The following ABCC11 variants were observed in gnomAD, a reference collection of about 807,000 sequenced individuals.
ABCC11 encodes the protein ATP-binding cassette sub-family C member 11.
A neutral mutation model predicts 149.3 loss-of-function variants in ABCC11; 135 were observed. The ratio of observed to expected loss-of-function variants is 0.90; its 90% confidence interval spans 0.79 to 1.04. The LOEUF (loss-of-function observed/expected upper bound fraction) is 1.04, where lower values mean the gene tolerates loss of function less well. Ranked by LOEUF, ABCC11 falls within the 50% of genes least tolerant of loss-of-function variation. The pLI, the probability that ABCC11 is intolerant of heterozygous loss-of-function variation, is 0.00. For synonymous variants in ABCC11, 665 were observed against 671.4 expected, an observed-to-expected ratio of 0.99 and a Z score of 0.15; for missense variants, 1,680 against 1,722.1, an observed-to-expected ratio of 0.98 and a Z score of 0.43.
chr16:48,205,097 G>A lies in ABCC11; in HGVS notation c.1805+316C>T, dbSNP rs144430470. Among the ~76,000 whole-genome samples, 86 of 152,322 alleles carry A rather than the reference G, an allele frequency of 5.6e-4. No individual in the cohort carries two copies. In the East Asian group the frequency reaches 0.016, roughly 28 times the overall value. On this transcript the variant is annotated intron_variant, in intron 13 of 29. Coordinates refer to ENST00000356608, the MANE Select transcript of ABCC11 (RefSeq NM_001370497.1). The stretch of plus-strand genomic sequence containing the variant: ...TGTAGCAATATTGGAGGGGGAGAGT[G>A]TATTGACTATTTTGAGCCAATATAG...
chr16:48,233,001 A>T (rs1042859676), intron 1 of ABCC11, among the ~76,000 whole-genome samples: 7 of 152,100 alleles, frequency 4.6e-5, no homozygotes, highest in Non-Finnish European at 1.0e-4. Flanking sequence ...GGAGTTTGAG[A>T]CCAGCCTGGG....
intron 23 of ABCC11, 124 bp from the exon 24 acceptor site, chr16:48,178,810 C>A: frequency 1.2e-6 from 1 of 843,696 alleles, no homozygotes; most frequent in Admixed American, 2.4e-5. Context: ...GATAATTTTC[C>A]TAGCAAGAAT....
intron 2 of ABCC11, 73 bp downstream of exon 2, chr16:48,231,750 C>A: frequency 6.5e-7 from 1 of 1,540,306 alleles, no homozygotes. Context: ...AATTGTTTGA[C>A]GTAATTTATG....
At chr16:48,230,312 C>G in intron 3 of ABCC11, 125 bp downstream of exon 3, 2 of 1,212,282 alleles carry the variant, frequency 1.6e-6, no homozygotes, top group Admixed American at 3.0e-5. Context: ...CCTCAGGCTG[C>G]TCTGAAGGGA....
chr16:48,224,576 C>T, intron 4 of ABCC11, 147 bp from the exon 5 acceptor site: 1 of 854,888 alleles, frequency 1.2e-6, no homozygotes, highest in Non-Finnish European at 1.7e-6. Context: ...ACTCATCCCC[C>T]TTTCCAGAAT....
intron 1 of ABCC11, among the ~76,000 whole-genome samples, chr16:48,239,470 G>A (rs891734074): frequency 3.3e-5 from 5 of 150,444 alleles, no homozygotes; most frequent in Non-Finnish European, 7.4e-5. Context: ...GCTGAGGCAG[G>A]AGAATGGCGT....
chr16:48,196,445 C>CT, intron 17 of ABCC11, 124 bp from the exon 18 acceptor site: 1 of 877,052 alleles, frequency 1.1e-6, no homozygotes, highest in Non-Finnish European at 1.8e-6. Flanking sequence ...CCACCTATGT[C>CT]TAAGGTTTTT....
chr16:48,186,845 C>T (rs1390535130), intron 22 of ABCC11, 108 bp downstream of exon 22: 2 of 1,369,046 alleles, frequency 1.5e-6, no homozygotes, highest in Non-Finnish European at 1.0e-6. Context: ...GAACAATGTG[C>T]TCTCTGATGC....
At chr16:48,219,017 A>G (rs984214883) in intron 6 of ABCC11, among the ~76,000 whole-genome samples, 1 of 152,196 alleles carries the variant, frequency 6.6e-6, no homozygotes, top group African/African-American at 2.4e-5. Context: ...AAAATCCCCC[A>G]AAAGCTATGT....
At position 48,222,757 on chromosome 16, in the gene ABCC11, G is replaced by A. The variant is rs371265488; in HGVS notation, c.618C>T (p.Cys206=). The A allele has an allele frequency of 6.2e-7, 1 of 1,614,230 alleles. No homozygotes were observed. Among genetic ancestry groups the A allele is most frequent in the Non-Finnish European group, 8.5e-7 (1 of 1,180,030 alleles). ...LGNVVHGVGL[C]FALFLSECVK... Reference sequence around the variant, plus strand: ...CACATTCGGAGAGAAAAAGGGCAAAGCAGAGTCCCACTCCATGGACAACAT... The same window carrying A: ...CACATTCGGAGAGAAAAAGGGCAAAACAGAGTCCCACTCCATGGACAACAT... The change falls in exon 6 of 30, where the codon TGC becomes TGT. Residue 206 remains cysteine (C), a synonymous_variant. Transcript: ENST00000356608.
intron 20 of ABCC11, among the ~76,000 whole-genome samples, chr16:48,188,055 C>A (rs1966841356): frequency 6.6e-6 from 1 of 152,196 alleles, no homozygotes; most frequent in Admixed American, 6.5e-5. Flanking sequence ...GAAGTTGCCA[C>A]CCTTTTCCTA....
At chr16:48,229,765 G>A (rs962070114) in intron 3 of ABCC11, among the ~76,000 whole-genome samples, 2 of 152,064 alleles carry the variant, frequency 1.3e-5, no homozygotes, top group Non-Finnish European at 2.9e-5. Flanking sequence ...CGCCCGGCCG[G>A]CTGGTAACTT....
chr16:48,241,964 T>C (rs892908410), intron 1 of ABCC11, among the ~76,000 whole-genome samples: 15 of 152,164 alleles, frequency 9.9e-5, no homozygotes, highest in Non-Finnish European at 1.9e-4. Flanking sequence ...CTAGGCAATA[T>C]CATTCAGGAC....
intron 4 of ABCC11, among the ~76,000 whole-genome samples, chr16:48,227,053 T>C (rs984094611): frequency 1.3e-5 from 2 of 152,196 alleles, no homozygotes; most frequent in Non-Finnish European, 2.9e-5. Flanking sequence ...AGAAATTTAA[T>C]CACACAACTA....
In ABCC11 at chr16:48,176,955, T is replaced by C. The variant is rs747668188; in HGVS notation, c.3507A>G (p.Glu1169=). The C allele has an allele frequency of 1.6e-5, 26 of 1,613,974 alleles. No individual in the cohort carries two copies. Among genetic ancestry groups the C allele is most frequent in the Non-Finnish European group, 2.1e-5 (25 of 1,180,018 alleles). ...HGINLTIRGH[E]VVGIVGRTGS... ...CCGTCCTTCCCACGATGCCCACCAC[T>C]TCGTGGCCGCGGATGGTCAGGTTGA... Residue 1169 remains glutamate (E), a synonymous_variant, in exon 25 of 30, where the codon GAA becomes GAG. Transcript: ENST00000356608.
Position 48,244,040 on chromosome 16 carries a change from T to G in ABCC11, c.-19+3274A>C, listed in dbSNP as rs1003628097. ...ATAAATAATTAGTTCGAATCAAAAG[T>G]TAAAAACACTTCAAGTATATGTAAA... On this transcript the variant is annotated intron_variant, in intron 1 of 29. Transcript: ENST00000356608. Among the ~76,000 whole-genome samples the G allele has an allele frequency of 9.4e-4, 143 of 152,182 alleles. 1 individual carries two copies. Among genetic ancestry groups the G allele is most frequent in the African/African-American group, 3.4e-3 (142 of 41,526 alleles).
At chr16:48,231,683 G>T (rs956001225) in intron 2 of ABCC11, 140 bp downstream of exon 2, 3 of 1,225,854 alleles carry the variant, frequency 2.4e-6, no homozygotes, top group East Asian at 5.4e-5. Flanking sequence ...AAAAGAGAGA[G>T]AGAGAGAGCA....
intron 23 of ABCC11, among the ~76,000 whole-genome samples, chr16:48,179,241 G>A (rs1966276549): frequency 6.6e-6 from 1 of 152,102 alleles, no homozygotes; most frequent in African/African-American, 2.4e-5. Context: ...CCTCAATCCT[G>A]GTTCCTGGGA....
intron 1 of ABCC11, among the ~76,000 whole-genome samples, chr16:48,244,912 C>G (rs1002010835): frequency 6.6e-6 from 1 of 152,210 alleles, no homozygotes; most frequent in Non-Finnish European, 1.5e-5. Context: ...AATTCCTCGC[C>G]CTCGGTCTTC....
Sources: gnomAD v4.1 joint callset for allele counts (sites outside exome capture counted in the v4.1 genomes callset) on GRCh38, gnomAD v4.1.1 for gene constraint, MANE v1.5 for transcripts, NCBI Gene and HGNC (gene_info 2026-07-23, HGNC 2026-07-21) for gene names.